ABCA5: variants seen among roughly 807,000 people sequenced by gnomAD.
ABCA5 encodes ATP binding cassette subfamily A member 5, also known as cholesterol transporter ABCA5.
Under a neutral mutation model 206.0 loss-of-function variants are expected in ABCA5, and 163 were observed. The observed-to-expected ratio is 0.79, with a 90% CI of 0.70 to 0.90. The LOEUF (loss-of-function observed/expected upper bound fraction) is 0.90, where lower values mean the gene tolerates loss of function less well. Among genes scored for constraint, ABCA5 ranks in the 40% least tolerant of loss-of-function variants. The pLI, the probability that ABCA5 is intolerant of heterozygous loss-of-function variation, is 0.00. For synonymous variants in ABCA5, 609 were observed against 613.8 expected (o/e 0.99, Z 0.11); for missense variants, 1,859 against 1,912.9 (o/e 0.97, Z 0.53).
In ABCA5 at chr17:69,298,564, A is replaced by G. The variant is rs185472463; in HGVS notation, c.1268-1205T>C. Among the ~76,000 whole-genome samples, 5 of 152,304 alleles carry G rather than the reference A, an allele frequency of 3.3e-5. No individual in the cohort carries two copies. The East Asian group carries it at 9.7e-4, about 29-fold the overall frequency. ...TCCTCTGGGAACTGTTACTGCTCCA[A>G]CAGCAAGCAAACAAAAACATAAATG... On this transcript the variant is annotated intron_variant, in intron 9 of 38. Coordinates refer to ENST00000392676, the MANE Select transcript of ABCA5 (RefSeq NM_172232.4).
At position 69,301,236 on chromosome 17, in the gene ABCA5, A is replaced by G; in HGVS notation, c.1170T>C (p.Thr390=). Reference sequence around the variant, plus strand: ...TAATAATTAGAGGATATGGGCCTGCAGTCAAATTTGAAAATGAAGCACCTT... The same window carrying G: ...TAATAATTAGAGGATATGGGCCTGCGGTCAAATTTGAAAATGAAGCACCTT... ...FNEGASFSNL[T]AGPYPLIITI... is the part of the protein sequence containing the mutation. The change falls in exon 9 of 39, where the codon ACT becomes ACC. Residue 390 remains threonine, a synonymous_variant. Coordinates refer to ENST00000392676, the MANE Select transcript of ABCA5 (RefSeq NM_172232.4). 6.2e-7 allele frequency: 1 copy of G among 1,601,996 alleles called. No individual in the cohort carries two copies. The highest frequency in any genetic ancestry group is 8.5e-7 in the Non-Finnish European group (1 of 1,177,144).
chr17:69,294,166 T>C lies in ABCA5; in HGVS notation c.1495+489A>G, dbSNP rs530054866. 2.6e-5 allele frequency among the ~76,000 whole-genome samples: 4 copies of C among 152,328 alleles called. No individual in the cohort carries two copies. In the South Asian group the frequency reaches 8.3e-4, roughly 32 times the overall value. On this transcript the variant is annotated intron_variant, in intron 11 of 38. Transcript: ENST00000392676. ...TTTAATAGATACTACATTTTACTTTTACAAATGTCATGTTGTTAGTTTTAT... is the reference window on the plus strand; with the variant it reads ...TTTAATAGATACTACATTTTACTTTCACAAATGTCATGTTGTTAGTTTTAT...
chr17:69,271,689 T>C lies in ABCA5; in HGVS notation c.2765-400A>G, dbSNP rs139505816. Among the ~76,000 whole-genome samples, 134 of 151,458 alleles carry C rather than the reference T, an allele frequency of 8.8e-4. 1 individual carries two copies. Among genetic ancestry groups the C allele is most frequent in the Non-Finnish European group, 1.5e-3 (100 of 67,658 alleles). On this transcript the variant is annotated intron_variant, in intron 20 of 38. Coordinates refer to ENST00000392676, the MANE Select transcript of ABCA5 (RefSeq NM_172232.4). ...ACTGCTGCTGCTGCTACAACTATTA[T>C]TAACATTGAAAAGTTAACCTATAAC...
In ABCA5 at chr17:69,246,550, T is replaced by C. The variant is rs2144879984; in HGVS notation, c.*987A>G. 1 of 152,128 alleles carries C rather than the reference T, an allele frequency of 6.6e-6. No homozygotes were observed. The highest frequency in any genetic ancestry group is 1.9e-4 in the East Asian group (1 of 5,194). The allele number at this position is 152,128 out of a possible 1,614,324, so 9.4% of individuals were successfully genotyped here. A position where few individuals can be genotyped will look rare whatever the true frequency, so the allele number is the denominator to read the frequency against. On this transcript the variant is annotated 3_prime_UTR_variant, in exon 39 of 39. Coordinates refer to ENST00000392676, the MANE Select transcript of ABCA5 (RefSeq NM_172232.4). ...GAAAGAGTTTATTCATATCCTACCA[T>C]GTTCCAAAGTCAATGAGGTAAGTTA...
At chr17:69,286,143 T>C in intron 16 of ABCA5, 78 bp downstream of exon 16, 1 of 1,550,070 alleles carries the variant, frequency 6.5e-7, no homozygotes, top group Non-Finnish European at 8.8e-7. Context: ...GGTCAAAGCA[T>C]ATAACAGCAA....
At position 69,291,279 on chromosome 17, in the gene ABCA5, G is replaced by T; in HGVS notation, c.1543C>A (p.His515Asn). 1 of 1,611,484 alleles carries T rather than the reference G, an allele frequency of 6.2e-7. No homozygotes were observed. The highest frequency in any genetic ancestry group is 1.3e-5 in the African/African-American group (1 of 74,878). Residue 515 changes from histidine to asparagine, a missense_variant, in exon 12 of 39, where the codon CAC becomes AAC. By Grantham distance (68) the His-to-Asn change is moderately conservative (BLOSUM62 1). Transcript: ENST00000392676. Reference protein sequence around the residue: ...YEGQITALLGHSGTGKSTLMN... With the variant: ...YEGQITALLGNSGTGKSTLMN... ...AATGTACTCTTTCCTGTTCCACTGT[G>T]GCCAAGTAAGGCAGTAATCTGACCC...
chr17:69,313,762 G>A (rs2075791657), intron 2 of ABCA5, among the ~76,000 whole-genome samples: 1 of 152,094 alleles, frequency 6.6e-6, no homozygotes, highest in African/African-American at 2.4e-5. Context: ...TCTACGGTCA[G>A]TTTTAGTAGA....
In ABCA5 at chr17:69,302,723, C is replaced by T; in HGVS notation, c.1114G>A (p.Ala372Thr). The T allele has an allele frequency of 6.4e-7, 1 of 1,557,806 alleles. No individual in the cohort carries two copies. The highest frequency in any genetic ancestry group is 8.6e-7 in the Non-Finnish European group (1 of 1,161,684). The change falls in exon 8 of 39, where the codon GCA becomes ACA. Residue 372 changes from alanine (A) to threonine (T), a missense_variant. Ala to Thr is a moderately conservative substitution (Grantham distance 58). Coordinates refer to ENST00000392676, the MANE Select transcript of ABCA5 (RefSeq NM_172232.4). The part of the protein sequence containing the change: ...FCHCTFVIGI[A>T]QVMHLEDFNE... ...AAGATTAATATATTACCTACCTGTG[C>T]AATACCAATCACAAAAGTACAGTGA...
chr17:69,295,096 TAAGA>T (rs1164339836), intron 10 of ABCA5, among the ~76,000 whole-genome samples: 3 of 152,130 alleles, frequency 2.0e-5, no homozygotes, highest in African/African-American at 4.8e-5. Context: ...AAGAAAATGT[TAAGA>T]AATTATAAGG....
chr17:69,270,845 C>T, intron 21 of ABCA5, 95 bp from the exon 22 acceptor site: 5 of 1,200,090 alleles, frequency 4.2e-6, no homozygotes, highest in Non-Finnish European at 5.6e-6. Flanking sequence ...AGCTAATTCT[C>T]ATACAGAAAA....
At chr17:69,282,694 C>T in intron 18 of ABCA5, among the ~76,000 whole-genome samples, 1 of 149,106 alleles carries the variant, frequency 6.7e-6, no homozygotes, top group East Asian at 2.0e-4. Flanking sequence ...ATCACTTGGA[C>T]TTGGGAGGCG....
intron 8 of ABCA5, among the ~76,000 whole-genome samples, chr17:69,302,167 T>C (rs1281827833): frequency 6.6e-6 from 1 of 152,196 alleles, no homozygotes; most frequent in Non-Finnish European, 1.5e-5. Flanking sequence ...ACAAAGCCAT[T>C]TCTTATAAGA....
At chr17:69,272,115 A>T (rs1354052988) in intron 20 of ABCA5, among the ~76,000 whole-genome samples, 1 of 152,178 alleles carries the variant, frequency 6.6e-6, no homozygotes, top group African/African-American at 2.4e-5. Flanking sequence ...GGTGGATCAG[A>T]CACAGCACTA....
chr17:69,255,692 C>G (rs2075069166), intron 30 of ABCA5, 41 bp downstream of exon 30: 1 of 1,574,300 alleles, frequency 6.4e-7, no homozygotes, highest in Admixed American at 2.1e-5. Flanking sequence ...GTAGAAATTA[C>G]TCTTCTAGAA....
intron 25 of ABCA5, 79 bp downstream of exon 25, chr17:69,261,556 C>T (rs1046231929): frequency 8.5e-6 from 6 of 707,726 alleles, no homozygotes; most frequent in Non-Finnish European, 1.4e-5. Context: ...AGACATGTAA[C>T]ATTTTTAGTA....
At chr17:69,280,812 C>T (rs1405520487) in intron 18 of ABCA5, among the ~76,000 whole-genome samples, 2 of 152,058 alleles carry the variant, frequency 1.3e-5, no homozygotes, top group Admixed American at 6.6e-5. Context: ...CATATTCTCA[C>T]TCATAGGTGG....
intron 10 of ABCA5, among the ~76,000 whole-genome samples, chr17:69,296,205 AT>A (rs1322799392): frequency 2.6e-5 from 4 of 152,156 alleles, no homozygotes; most frequent in Admixed American, 1.3e-4. Context: ...TTTTTTTCAT[AT>A]TTTTTTAAGG....
At chr17:69,314,019 T>C (rs1314708124) in intron 2 of ABCA5, among the ~76,000 whole-genome samples, 1 of 152,186 alleles carries the variant, frequency 6.6e-6, no homozygotes, top group Non-Finnish European at 1.5e-5. Context: ...ATCAAAGTTA[T>C]TGTGGAATGT....
At chr17:69,261,586 GTTAA>G in intron 25 of ABCA5, 45 bp downstream of exon 25, 1 of 855,324 alleles carries the variant, frequency 1.2e-6, no homozygotes, top group East Asian at 2.8e-5. Context: ...AAGAATTCAT[GTTAA>G]TTAAACTGCT....
Sources: gnomAD v4.1 joint callset for allele counts (sites outside exome capture counted in the v4.1 genomes callset) on GRCh38, gnomAD v4.1.1 for gene constraint, MANE v1.5 for transcripts, NCBI Gene and HGNC (gene_info 2026-07-23, HGNC 2026-07-21) for gene names.